The following LINGO1 variants were observed in gnomAD, a reference collection of about 807,000 sequenced individuals.
LINGO1 encodes leucine rich repeat and Ig domain containing 1.
In LINGO1, 11 loss-of-function variants were observed where a neutral mutation model predicts 37.3. The ratio of observed to expected loss-of-function variants is 0.29; its 90% CI spans 0.19 to 0.49. The LOEUF is 0.49. Among genes scored for constraint, LINGO1 ranks in the 20% least tolerant of loss-of-function variants. LINGO1 has a pLI of 0.99. For synonymous variants in LINGO1, 387 were observed against 403.0 expected (o/e 0.96, Z 0.48); for missense variants, 585 against 878.2 (o/e 0.67, Z 4.22).
chr15:77,753,704 T>C (rs889238293), intron 1 of LINGO1, among the ~76,000 whole-genome samples: 1 of 152,176 alleles, frequency 6.6e-6, no homozygotes, highest in Non-Finnish European at 1.5e-5. Flanking sequence ...AAAGCCATAT[T>C]GAGAACACGG....
chr15:77,798,796 T>G (rs933413304), intron 1 of LINGO1, among the ~76,000 whole-genome samples: 1 of 152,012 alleles, frequency 6.6e-6, no homozygotes, highest in Non-Finnish European at 1.5e-5. Context: ...CTGTGTAGTC[T>G]GTGTGTTCAG....
chr15:77,615,947 G>T (rs1462777951), intron 1 of LINGO1, 47 bp from the exon 2 acceptor site: 1 of 1,373,292 alleles, frequency 7.3e-7, no homozygotes, highest in Non-Finnish European at 9.6e-7. Context: ...TTAGGGGGCA[G>T]TGTGTGTCTG....
At chr15:77,734,449 G>A (rs1202372615) in intron 2 of LINGO1, among the ~76,000 whole-genome samples, 2 of 151,880 alleles carry the variant, frequency 1.3e-5, no homozygotes, top group Non-Finnish European at 1.5e-5. Context: ...CAGCCTTGCC[G>A]CCCCTCATCT....
At chr15:77,702,357 G>C (rs998392332) in intron 2 of LINGO1, among the ~76,000 whole-genome samples, 24 of 152,134 alleles carry the variant, frequency 1.6e-4, no homozygotes, top group Non-Finnish European at 3.1e-4. Flanking sequence ...CATGCCAAGG[G>C]GAAGTGCTGA....
chr15:77,623,369 AC>A (rs2073982997), intron 1 of LINGO1, among the ~76,000 whole-genome samples: 1 of 152,066 alleles, frequency 6.6e-6, no homozygotes, highest in Non-Finnish European at 1.5e-5. Context: ...CCAAATCCTG[AC>A]CCCAGTCCCT....
intron 1 of LINGO1, among the ~76,000 whole-genome samples, chr15:77,818,686 G>A (rs1011846220): frequency 2.6e-5 from 4 of 152,126 alleles, no homozygotes; most frequent in African/African-American, 9.7e-5. Flanking sequence ...TCTTCCTCCT[G>A]CCTGCAAAGA....
At chr15:77,774,438 C>A (rs567937210) in intron 1 of LINGO1, among the ~76,000 whole-genome samples, 22 of 152,252 alleles carry the variant, frequency 1.4e-4, no homozygotes, top group Middle Eastern at 6.8e-3. Flanking sequence ...AGCCCCCAGA[C>A]ACCACAAGCA....
intron 1 of LINGO1, among the ~76,000 whole-genome samples, chr15:77,766,137 C>A (rs2076525441): frequency 1.3e-5 from 2 of 151,740 alleles, no homozygotes; most frequent in South Asian, 4.2e-4. Context: ...GTGAAAAAAA[C>A]AAGTGGCTGG....
intron 1 of LINGO1, among the ~76,000 whole-genome samples, chr15:77,623,932 A>G (rs1380461044): frequency 8.4e-6 from 1 of 119,308 alleles, no homozygotes; most frequent in Non-Finnish European, 1.9e-5. Context: ...GTGTGTGTGG[A>G]CTGTGTATGT....
chr15:77,621,058 C>CTTTTTTT (rs72415268), intron 1 of LINGO1, among the ~76,000 whole-genome samples: 3 of 148,430 alleles, frequency 2.0e-5, no homozygotes, highest in African/African-American at 2.5e-5. Flanking sequence ...GGTTTGGGGC[C>CTTTTTTT]TTTTTTTTTT....
At chr15:77,805,287 G>A (rs976310273) in intron 1 of LINGO1, among the ~76,000 whole-genome samples, 3 of 152,200 alleles carry the variant, frequency 2.0e-5, no homozygotes, top group Non-Finnish European at 2.9e-5. Flanking sequence ...TACAAAAATT[G>A]CCCTCCTACT....
intron 1 of LINGO1, among the ~76,000 whole-genome samples, chr15:77,751,433 A>G (rs1357001115): frequency 1.3e-5 from 2 of 152,216 alleles, no homozygotes; most frequent in Non-Finnish European, 2.9e-5. Flanking sequence ...GAAATTTAGA[A>G]TACCAGAAAG....
intron 1 of LINGO1, among the ~76,000 whole-genome samples, chr15:77,760,240 C>T (rs1482731758): frequency 2.0e-5 from 3 of 152,122 alleles, no homozygotes; most frequent in Non-Finnish European, 4.4e-5. Flanking sequence ...ACAGCCCAGG[C>T]TGAATATGGA....
chr15:77,711,862 A>G (rs34906247), intron 2 of LINGO1, among the ~76,000 whole-genome samples: 72,564 of 146,792 alleles, frequency 0.49, 17,663 homozygotes, highest in Admixed American at 0.62. Flanking sequence ...TACCCTCTCT[A>G]GGCCTCTGTT....
intron 1 of LINGO1, among the ~76,000 whole-genome samples, chr15:77,693,456 T>C (rs1374641623): frequency 6.6e-6 from 1 of 152,200 alleles, no homozygotes; most frequent in Non-Finnish European, 1.5e-5. Flanking sequence ...GAAGCGGCCA[T>C]ATTGGAATTT....
intron 1 of LINGO1, among the ~76,000 whole-genome samples, chr15:77,760,110 G>A (rs2076460059): frequency 6.6e-6 from 1 of 152,244 alleles, no homozygotes; most frequent in Admixed American, 6.5e-5. Flanking sequence ...ACTCATGCCT[G>A]TTTCCCTGCA....
chr15:77,745,040 C>T (rs967698006), intron 1 of LINGO1, among the ~76,000 whole-genome samples: 3 of 151,254 alleles, frequency 2.0e-5, no homozygotes, highest in Non-Finnish European at 2.9e-5. Context: ...ATTGCTTGAA[C>T]CTGGGAGGTG....
At chr15:77,719,785 CACAT>C (rs2076027663) in intron 2 of LINGO1, among the ~76,000 whole-genome samples, 1 of 106,684 alleles carries the variant, frequency 9.4e-6, no homozygotes, top group African/African-American at 2.9e-5. Flanking sequence ...TACACAAACT[CACAT>C]TCACACACAC....
intron 1 of LINGO1, among the ~76,000 whole-genome samples, chr15:77,746,111 G>A (rs1212332851): frequency 6.6e-6 from 1 of 151,680 alleles, no homozygotes; most frequent in Non-Finnish European, 1.5e-5. Flanking sequence ...AGGAGACTGA[G>A]GCAGGAGGAT....
Sources: allele counts gnomAD v4.1 joint callset (sites outside exome capture counted in the v4.1 genomes callset), GRCh38; gene constraint gnomAD v4.1.1; transcripts MANE v1.5; gene names NCBI Gene and HGNC (gene_info 2026-07-23, HGNC 2026-07-21).